KGD4: variants seen among roughly 807,000 people sequenced by gnomAD.
KGD4 encodes the protein alpha-ketoglutarate dehydrogenase subunit 4, also known as alpha-ketoglutarate dehydrogenase component 4.
the KGD4 span, among the ~76,000 whole-genome samples, chr5:69,224,509 C>A: frequency 2.0e-5 from 3 of 151,902 alleles, no homozygotes; most frequent in Non-Finnish European, 4.4e-5. Flanking sequence ...CTTTTGTAGT[C>A]AAAAAAAGTA....
At chr5:69,227,621 T>C in the KGD4 span, among the ~76,000 whole-genome samples, 2 of 152,214 alleles carry the variant, frequency 1.3e-5, no homozygotes, top group Non-Finnish European at 2.9e-5. Context: ...TGTAAAGATA[T>C]TGAGAAAACT....
At chr5:69,218,097 G>C in the KGD4 span, 2 of 642,604 alleles carry the variant, frequency 3.1e-6, no homozygotes, top group Non-Finnish European at 5.4e-6. Context: ...CGGCAACCGT[G>C]CAGCATCTTG....
chr5:69,217,909 A>T, the KGD4 span: 79 of 1,613,770 alleles, frequency 4.9e-5, 1 homozygote, highest in Non-Finnish European at 6.7e-5. Flanking sequence ...CTTGGGCGGT[A>T]GGGACGGTGC....
At chr5:69,219,832 AAAT>A in the KGD4 span, among the ~76,000 whole-genome samples, 1 of 152,184 alleles carries the variant, frequency 6.6e-6, no homozygotes, top group African/African-American at 2.4e-5. Context: ...CTCGAAAAAT[AAAT>A]AATAAAGTAT....
chr5:69,218,470 A>ATGTG, the KGD4 span, among the ~76,000 whole-genome samples: 6,680 of 148,580 alleles, frequency 0.045, 184 homozygotes, highest in South Asian at 0.079. Flanking sequence ...GTGTATATTA[A>ATGTG]TGTGTGTGTG....
chr5:69,226,050 C>T, the KGD4 span, among the ~76,000 whole-genome samples: 1 of 152,280 alleles, frequency 6.6e-6, no homozygotes, highest in East Asian at 1.9e-4. Flanking sequence ...TCTTACCAAT[C>T]TATAAGTCAT....
At chr5:69,224,765 C>CA in the KGD4 span, among the ~76,000 whole-genome samples, 1 of 151,838 alleles carries the variant, frequency 6.6e-6, no homozygotes, top group African/African-American at 2.4e-5. Context: ...GCTGTCTCAA[C>CA]AAAAAATTTA....
At chr5:69,228,841 C>G in the KGD4 span, among the ~76,000 whole-genome samples, 2 of 151,824 alleles carry the variant, frequency 1.3e-5, no homozygotes, top group Non-Finnish European at 2.9e-5. Flanking sequence ...GTGGTGAAAC[C>G]TCGTCTCTAC....
At chr5:69,223,118 A>C in the KGD4 span, among the ~76,000 whole-genome samples, 2 of 104,932 alleles carry the variant, frequency 1.9e-5, no homozygotes, top group African/African-American at 7.9e-5. Context: ...TTGCTCTTTC[A>C]CCTAGGCTGG....
the KGD4 span, among the ~76,000 whole-genome samples, chr5:69,228,939 C>T: frequency 1.2e-4 from 18 of 147,952 alleles, no homozygotes; most frequent in African/African-American, 3.5e-4. Context: ...CTCTTGAACC[C>T]GGGAGGCGGA....
At chr5:69,218,007 G>C in the KGD4 span, 5 of 1,412,906 alleles carry the variant, frequency 3.5e-6, no homozygotes, top group African/African-American at 1.4e-5. Context: ...GACGGCGCCC[G>C]CGGGTGTGTG....
chr5:69,225,605 CTG>C, the KGD4 span, among the ~76,000 whole-genome samples: 1 of 138,398 alleles, frequency 7.2e-6, no homozygotes, highest in Non-Finnish European at 1.5e-5. Context: ...GAGTCTCACT[CTG>C]TAGCCCAGGC....
the KGD4 span, chr5:69,218,125 C>T: frequency 1.8e-6 from 1 of 555,440 alleles, no homozygotes; most frequent in African/African-American, 2.0e-5. Flanking sequence ...GGTCCTGTAC[C>T]TACTGCCGGG....
chr5:69,227,352 C>T, the KGD4 span, among the ~76,000 whole-genome samples: 3 of 152,218 alleles, frequency 2.0e-5, no homozygotes, highest in African/African-American at 7.2e-5. Context: ...CCTCACCAAC[C>T]ATCTTTTCTT....
the KGD4 span, chr5:69,226,476 C>A: frequency 1.0e-6 from 1 of 981,810 alleles, no homozygotes; most frequent in Non-Finnish European, 1.6e-6. Flanking sequence ...TTATTATAGG[C>A]AATATTTCTC....
chr5:69,217,975 C>G, the KGD4 span: 1 of 1,582,216 alleles, frequency 6.3e-7, no homozygotes, highest in Non-Finnish European at 8.6e-7. Flanking sequence ...GAGCGGTGAC[C>G]GCGCCTCTGC....
At chr5:69,218,470 ATGTGTGTGTG>A in the KGD4 span, among the ~76,000 whole-genome samples, 5 of 148,524 alleles carry the variant, frequency 3.4e-5, no homozygotes, top group Admixed American at 1.3e-4. Flanking sequence ...GTGTATATTA[ATGTGTGTGTG>A]TGTGTGTGTG....
chr5:69,220,919 C>T, the KGD4 span, among the ~76,000 whole-genome samples: 1 of 152,114 alleles, frequency 6.6e-6, no homozygotes, highest in Non-Finnish European at 1.5e-5. Flanking sequence ...GTGCTGTGTC[C>T]ACTCAGGGTT....
chr5:69,223,250 T>G, the KGD4 span, among the ~76,000 whole-genome samples: 1 of 151,498 alleles, frequency 6.6e-6, no homozygotes, highest in Admixed American at 6.6e-5. Flanking sequence ...GGCTACTTTT[T>G]TTGTATTTTT....
Sources: allele counts gnomAD v4.1 joint callset (sites outside exome capture counted in the v4.1 genomes callset), GRCh38; gene constraint gnomAD v4.1.1; transcripts MANE v1.5; gene names NCBI Gene and HGNC (gene_info 2026-07-23, HGNC 2026-07-21).